The following PITPNA variants were observed in gnomAD, a reference collection of about 807,000 sequenced individuals.
PITPNA encodes the protein phosphatidylinositol transfer protein alpha.
In PITPNA, 13 loss-of-function variants were observed where a neutral mutation model predicts 50.3. That is an observed-to-expected ratio of 0.26 (90% CI 0.17 to 0.41). The LOEUF (loss-of-function observed/expected upper bound fraction) is 0.41, where lower values mean the gene tolerates loss of function less well. Ranked by LOEUF, PITPNA falls within the 10% of genes least tolerant of loss-of-function variation. PITPNA has a pLI of 1.00. For synonymous variants in PITPNA, 120 were observed against 119.6 expected (o/e 1.00, Z -0.02); for missense variants, 207 against 333.4 (o/e 0.62, Z 2.95).
intron 2 of PITPNA, among the ~76,000 whole-genome samples, chr17:1,558,231 A>AC (rs2075748248): frequency 4.6e-5 from 1 of 21,556 alleles, no homozygotes; most frequent in Non-Finnish European, 1.1e-4. Flanking sequence ...ACTCCGTCTC[A>AC]AAAAAAAAAA....
intron 4 of PITPNA, 71 bp from the exon 5 acceptor site, chr17:1,543,098 A>G: frequency 8.3e-7 from 1 of 1,204,882 alleles, no homozygotes; most frequent in Non-Finnish European, 1.2e-6. Context: ...TCTGCCCCCC[A>G]CCCCCCACAA....
At chr17:1,521,873 CT>C (rs869029944) in intron 10 of PITPNA, among the ~76,000 whole-genome samples, 8,856 of 121,782 alleles carry the variant, frequency 0.073, 382 homozygotes, top group East Asian at 0.1. Context: ...TTTGAAGCAC[CT>C]TTTTTTTTTT....
chr17:1,561,975 G>T (rs2075770747), intron 1 of PITPNA, among the ~76,000 whole-genome samples: 1 of 152,054 alleles, frequency 6.6e-6, no homozygotes, highest in South Asian at 2.1e-4. Context: ...TTCCTCGGCC[G>T]CCGCGGGGCC....
chr17:1,540,478 G>C (rs1240858558), intron 6 of PITPNA, among the ~76,000 whole-genome samples: 1 of 152,118 alleles, frequency 6.6e-6, no homozygotes, highest in African/African-American at 2.4e-5. Context: ...ATCCTTCACT[G>C]AACAGTCAAC....
intron 10 of PITPNA, among the ~76,000 whole-genome samples, chr17:1,530,474 C>G (rs911032367): frequency 1.3e-5 from 2 of 152,226 alleles, no homozygotes. Context: ...AAGCCTCATT[C>G]AAGAATGGTG....
Position 1,551,015 on chromosome 17 carries a change from G to A in PITPNA, c.197+1989C>T, listed in dbSNP as rs148355355. On this transcript the variant is annotated intron_variant, in intron 3 of 11. Coordinates refer to ENST00000313486, the MANE Select transcript of PITPNA (RefSeq NM_006224.4). Reference sequence around the variant, plus strand: ...AGGGCAAGTGAGAGTGTTGCGGGGCGGAGTCAGCGGGACCTGATGGGACAC... The same window carrying A: ...AGGGCAAGTGAGAGTGTTGCGGGGCAGAGTCAGCGGGACCTGATGGGACAC... 3.6e-4 allele frequency among the ~76,000 whole-genome samples: 54 copies of A among 149,308 alleles called. No homozygotes were observed. The East Asian group carries it at 4.4e-3, about 12-fold the overall frequency.
At position 1,518,164 on chromosome 17, in the gene PITPNA, G is replaced by C. The variant is rs1194205312; in HGVS notation, c.*2397C>G. ...AACCAAAGTAAGTCAGGGAGTCCCA[G>C]CAGGGACTGTAAAAGAACTTGGGAA... On this transcript the variant is annotated 3_prime_UTR_variant, in exon 12 of 12. Transcript: ENST00000313486. 1.1e-4 allele frequency: 17 copies of C among 152,518 alleles called. No homozygotes were observed. The highest frequency in any genetic ancestry group is 3.9e-4 in the Admixed American group (6 of 15,290). The allele number at this position is 152,518 out of a possible 1,614,324, so 9.4% of individuals were successfully genotyped here.
At chr17:1,547,239 G>A (rs2075679764) in intron 4 of PITPNA, among the ~76,000 whole-genome samples, 1 of 150,688 alleles carries the variant, frequency 6.6e-6, no homozygotes, top group South Asian at 2.1e-4. Context: ...GATGGCATAT[G>A]CCTATAGTCC....
At chr17:1,541,864 T>C in intron 5 of PITPNA, 1 of 637,996 alleles carries the variant, frequency 1.6e-6, no homozygotes, top group Non-Finnish European at 3.0e-6. Flanking sequence ...TCACCCTCAT[T>C]TTACAGATGA....
intron 10 of PITPNA, among the ~76,000 whole-genome samples, chr17:1,527,178 C>A (rs1598403686): frequency 6.6e-6 from 1 of 152,214 alleles, no homozygotes; most frequent in African/African-American, 2.4e-5. Flanking sequence ...GTAGGCTATA[C>A]ATACACATAT....
chr17:1,538,097 G>GC (rs2075628598), intron 7 of PITPNA, among the ~76,000 whole-genome samples: 1 of 152,132 alleles, frequency 6.6e-6, no homozygotes, highest in South Asian at 2.1e-4. Flanking sequence ...ACCGTGCCAG[G>GC]CCCCAAAATA....
intron 8 of PITPNA, 47 bp downstream of exon 8, chr17:1,535,394 C>G (rs2075609747): frequency 6.5e-7 from 1 of 1,541,446 alleles, no homozygotes; most frequent in South Asian, 1.1e-5. Flanking sequence ...GGGAGCGGCC[C>G]ACCCACATGC....
intron 2 of PITPNA, among the ~76,000 whole-genome samples, chr17:1,554,291 A>G (rs577299750): frequency 1.3e-5 from 2 of 150,834 alleles, no homozygotes; most frequent in African/African-American, 4.9e-5. Flanking sequence ...AAGCTATGGG[A>G]TTACCCAACA....
At chr17:1,558,508 C>G in intron 2 of PITPNA, 21 bp downstream of exon 2, 1 of 1,557,930 alleles carries the variant, frequency 6.4e-7, no homozygotes, top group Non-Finnish European at 8.8e-7. Context: ...CAACTATGGA[C>G]CAGAAAGTAA....
intron 10 of PITPNA, among the ~76,000 whole-genome samples, chr17:1,529,155 A>AGAGAG (rs56004131): frequency 8.3e-4 from 89 of 106,640 alleles, no homozygotes; most frequent in African/African-American, 2.7e-3. Context: ...AAAAAAAAAA[A>AGAGAG]AGAGAGAGAG....
chr17:1,537,198 G>A (rs1249162468), intron 7 of PITPNA, among the ~76,000 whole-genome samples: 1 of 152,008 alleles, frequency 6.6e-6, no homozygotes, highest in Non-Finnish European at 1.5e-5. Context: ...TAAGTAGCTG[G>A]GATTACAGGC....
At chr17:1,540,791 T>C (rs1330482590) in intron 6 of PITPNA, among the ~76,000 whole-genome samples, 1 of 152,218 alleles carries the variant, frequency 6.6e-6, no homozygotes, top group East Asian at 1.9e-4. Flanking sequence ...TTCACCGTGT[T>C]AGCCAGGATG....
chr17:1,535,881 C>T, intron 7 of PITPNA: 1 of 241,820 alleles, frequency 4.1e-6, no homozygotes, highest in Non-Finnish European at 8.1e-6. Context: ...CCAACTAAAA[C>T]CCAGTGACTG....
intron 6 of PITPNA, among the ~76,000 whole-genome samples, chr17:1,539,669 C>T (rs1361684562): frequency 1.3e-5 from 2 of 152,048 alleles, no homozygotes; most frequent in Non-Finnish European, 2.9e-5. Context: ...AGGAGCTGGG[C>T]CTGAGTGATC....
Sources: allele counts gnomAD v4.1 joint callset (sites outside exome capture counted in the v4.1 genomes callset), GRCh38; gene constraint gnomAD v4.1.1; transcripts MANE v1.5; gene names NCBI Gene and HGNC (gene_info 2026-07-23, HGNC 2026-07-21).